Variants in USP47 observed in about 807,000 individuals in gnomAD.
USP47 encodes ubiquitin carboxyl-terminal hydrolase 47.
Under a neutral mutation model 165.1 loss-of-function variants are expected in USP47, and 35 were observed. That is an observed-to-expected ratio of 0.21 (90% confidence interval 0.16 to 0.28). USP47 has a LOEUF of 0.28. Among genes scored for constraint, USP47 ranks in the 10% least tolerant of loss-of-function variants. The pLI, the probability that USP47 is intolerant of heterozygous loss-of-function variation, is 1.00. For synonymous variants in USP47, 531 were observed against 544.5 expected (o/e 0.98, Z 0.35); for missense variants, 1,277 against 1,607.4 (o/e 0.79, Z 3.52).
At chr11:11,926,651 T>TA (rs1269494535) in intron 11 of USP47, among the ~76,000 whole-genome samples, 9 of 151,922 alleles carry the variant, frequency 5.9e-5, no homozygotes, top group African/African-American at 2.2e-4. Flanking sequence ...CTATTCTCTA[T>TA]TTATTTCTGC....
intron 12 of USP47, 62 bp from the exon 13 acceptor site, chr11:11,929,982 T>C (rs1431712469): frequency 7.8e-7 from 1 of 1,288,666 alleles, no homozygotes; most frequent in Admixed American, 1.7e-5. Context: ...TTGAGTTACA[T>C]ATTGACGTTA....
intron 11 of USP47, among the ~76,000 whole-genome samples, chr11:11,925,985 T>C (rs2134644983): frequency 6.6e-6 from 1 of 152,328 alleles, no homozygotes; most frequent in East Asian, 1.9e-4. Context: ...TTTTTCTTTA[T>C]CAATTGAAGC....
rs200549894 is a variant in USP47, at chr11:11,956,413, TA to T, written c.*247del. 51 of 337,404 alleles carry T rather than the reference TA, an allele frequency of 1.5e-4. No homozygotes were observed. The highest frequency in any genetic ancestry group is 2.5e-4 in the South Asian group (2 of 8,074). 20.9% of individuals were successfully genotyped at this position (337,404 alleles called of 1,614,324 possible). A position where few individuals can be genotyped will look rare whatever the true frequency, so the allele number is the denominator to read the frequency against. ...AAGTGAAAAGGGATGTGCAAAAAAA[TA>T]AAAAAAAACAACAAAAAAAGCTAAC... On this transcript the variant is annotated 3_prime_UTR_variant, in exon 28 of 28. Coordinates refer to ENST00000527733, the MANE Select transcript of USP47 (RefSeq NM_001282659.2).
rs1223607374 is a variant in USP47, at chr11:11,961,443, G to A, written c.*5268G>A. On this transcript the variant is annotated 3_prime_UTR_variant, in exon 28 of 28. Coordinates refer to ENST00000527733, the MANE Select transcript of USP47 (RefSeq NM_001282659.2). ...GCTGGCACCTGAGAAGGACAGAACT[G>A]TCATTGCAGGATTTGAAGATGAAGG... Among the ~76,000 whole-genome samples, 3 of 152,166 alleles carry A rather than the reference G, an allele frequency of 2.0e-5. No homozygotes were observed. Among genetic ancestry groups the A allele is most frequent in the African/African-American group, 4.8e-5 (2 of 41,428 alleles).
intron 1 of USP47, among the ~76,000 whole-genome samples, chr11:11,877,329 T>TA (rs1161286337): frequency 6.6e-6 from 1 of 152,142 alleles, no homozygotes; most frequent in East Asian, 1.9e-4. Context: ...CATGTTATAT[T>TA]AAAGTATAGG....
chr11:11,905,152 T>C (rs1245877342), intron 7 of USP47, among the ~76,000 whole-genome samples: 1 of 151,624 alleles, frequency 6.6e-6, no homozygotes, highest in Admixed American at 6.6e-5. Context: ...TGACTCAAAT[T>C]AGTGTTAATC....
chr11:11,956,238 T>A lies in USP47; in HGVS notation c.*63T>A. 1 of 1,570,376 alleles carries A rather than the reference T, an allele frequency of 6.4e-7. No homozygotes were observed. The highest frequency in any genetic ancestry group is 8.7e-7 in the Non-Finnish European group (1 of 1,146,334). On this transcript the variant is annotated 3_prime_UTR_variant, in exon 28 of 28. Transcript: ENST00000527733. ...TTTTAATTAGATGGTTCACTACCACTGGGTAGTGCCATTTTGGCCGGACAT... is the reference window on the plus strand; with the variant it reads ...TTTTAATTAGATGGTTCACTACCACAGGGTAGTGCCATTTTGGCCGGACAT...
intron 8 of USP47, among the ~76,000 whole-genome samples, chr11:11,915,560 T>A (rs1478606740): frequency 1.3e-5 from 2 of 152,186 alleles, no homozygotes; most frequent in Non-Finnish European, 2.9e-5. Flanking sequence ...ATCATGGTTA[T>A]GATATGCCAT....
chr11:11,937,847 A>G (rs1413817785), intron 17 of USP47, among the ~76,000 whole-genome samples: 1 of 151,964 alleles, frequency 6.6e-6, no homozygotes, highest in African/African-American at 2.4e-5. Flanking sequence ...AAGATCATTT[A>G]TTTTTCAAGT....
intron 11 of USP47, among the ~76,000 whole-genome samples, chr11:11,924,235 TG>T (rs1291897764): frequency 6.6e-6 from 1 of 152,236 alleles, no homozygotes; most frequent in African/African-American, 2.4e-5. Context: ...GATATGATCA[TG>T]TATGTAATTT....
rs190626770 is a variant in USP47 at position 11,865,120 on chromosome 11, G to A, written c.40-15057G>A. ...TTCTTAAGGGATTTGATTATGATGC[G>A]TCTTGAGATGGATTTCTTTAGGTTT... On this transcript the variant is annotated intron_variant, in intron 1 of 27. Coordinates refer to ENST00000527733, the MANE Select transcript of USP47 (RefSeq NM_001282659.2). Among the ~76,000 whole-genome samples the A allele has an allele frequency of 1.3e-4, 20 of 152,222 alleles. No homozygotes were observed. The East Asian group carries it at 1.3e-3, about 10-fold the overall frequency.
intron 1 of USP47, among the ~76,000 whole-genome samples, chr11:11,871,738 G>A (rs940161879): frequency 2.6e-5 from 4 of 151,948 alleles, no homozygotes; most frequent in Admixed American, 6.6e-5. Context: ...CCTGCCCTGC[G>A]AGTTGTAGCT....
intron 1 of USP47, among the ~76,000 whole-genome samples, chr11:11,849,100 C>T (rs1274128319): frequency 2.0e-5 from 3 of 151,636 alleles, no homozygotes; most frequent in Non-Finnish European, 4.4e-5. Flanking sequence ...TGGAGTTTCA[C>T]TATTATTGCA....
At position 11,940,407 on chromosome 11, in the gene USP47, TATTAA is replaced by T. The variant is rs1172595184; in HGVS notation, c.2194-18_2194-14del. The stretch of plus-strand genomic sequence containing the variant: ...GAATTATTTTTGAAAGAGTACTTTT[TATTAA>T]ATTGCTTTCATTATAGGCCATCCAT... On this transcript the variant is annotated splice_polypyrimidine_tract_variant and intron_variant, in intron 18 of 27. Coordinates refer to ENST00000527733, the MANE Select transcript of USP47 (RefSeq NM_001282659.2). The T allele has an allele frequency of 6.4e-7, 1 of 1,571,666 alleles. No individual in the cohort carries two copies. The highest frequency in any genetic ancestry group is 1.4e-5 in the African/African-American group (1 of 72,836).
intron 1 of USP47, among the ~76,000 whole-genome samples, chr11:11,877,435 A>G (rs1850507818): frequency 1.3e-5 from 2 of 152,272 alleles, no homozygotes; most frequent in South Asian, 4.1e-4. Flanking sequence ...TTATCTGTTT[A>G]AATCATCCAC....
intron 1 of USP47, among the ~76,000 whole-genome samples, chr11:11,875,520 G>A (rs926173769): frequency 1.3e-5 from 2 of 152,146 alleles, no homozygotes; most frequent in African/African-American, 4.8e-5. Context: ...TAGCAGTTAA[G>A]TGTATCTTTG....
chr11:11,914,576 G>T (rs181165804), intron 8 of USP47, among the ~76,000 whole-genome samples: 114 of 152,164 alleles, frequency 7.5e-4, no homozygotes, highest in Non-Finnish European at 1.3e-3. Context: ...CTCTCTGAAA[G>T]CCCATATGAT....
At chr11:11,873,671 G>GTA in intron 1 of USP47, 1 of 420,804 alleles carries the variant, frequency 2.4e-6, no homozygotes, top group South Asian at 8.7e-5. Context: ...TCTAGATGAT[G>GTA]TACTAATACT....
chr11:11,842,270 G>C (rs765884849), intron 1 of USP47, 46 bp downstream of exon 1: 20 of 1,544,448 alleles, frequency 1.3e-5, no homozygotes, highest in Non-Finnish European at 1.7e-5. Flanking sequence ...GCGGCCGCTC[G>C]AGGCAACACA....
Sources: gnomAD v4.1 joint callset for allele counts (sites outside exome capture counted in the v4.1 genomes callset) on GRCh38, gnomAD v4.1.1 for gene constraint, MANE v1.5 for transcripts, NCBI Gene and HGNC (gene_info 2026-07-23, HGNC 2026-07-21) for gene names.